SLC24A2: variants seen among roughly 807,000 people sequenced by gnomAD.
The protein encoded by SLC24A2 is sodium/potassium/calcium exchanger 2.
Under a neutral mutation model 62.0 loss-of-function variants are expected in SLC24A2, and 36 were observed. The observed-to-expected ratio is 0.58, with a 90% confidence interval of 0.44 to 0.77. The LOEUF (loss-of-function observed/expected upper bound fraction) is 0.77. Ranked by LOEUF, SLC24A2 falls within the 30% of genes least tolerant of loss-of-function variation. The pLI is 0.00. For missense variants in SLC24A2, 846 were observed against 817.9 expected (o/e 1.03, Z -0.42); for synonymous variants, 358 against 294.0 (o/e 1.22, Z -2.23).
the SLC24A2 span, among the ~76,000 whole-genome samples, chr9:20,270,350 G>C: frequency 6.6e-6 from 1 of 152,118 alleles, no homozygotes; most frequent in Non-Finnish European, 1.5e-5. Flanking sequence ...TTTTACTGTA[G>C]AATTGGGAAT....
chr9:19,938,397 C>A, the SLC24A2 span, among the ~76,000 whole-genome samples: 1 of 152,144 alleles, frequency 6.6e-6, no homozygotes, highest in Admixed American at 6.5e-5. Flanking sequence ...ATTTAACTTA[C>A]ATGGACAATA....
chr9:19,984,670 C>T, the SLC24A2 span, among the ~76,000 whole-genome samples: 1 of 152,208 alleles, frequency 6.6e-6, no homozygotes, highest in Non-Finnish European at 1.5e-5. Context: ...CATGCCACTA[C>T]ATGCCAGCCT....
chr9:20,306,821 C>G, the SLC24A2 span, among the ~76,000 whole-genome samples: 1 of 152,182 alleles, frequency 6.6e-6, no homozygotes, highest in East Asian at 1.9e-4. Context: ...CTCAGCCTCC[C>G]AAGTAGCTGG....
chr9:20,094,424 G>T, the SLC24A2 span, among the ~76,000 whole-genome samples: 19 of 152,142 alleles, frequency 1.2e-4, no homozygotes, highest in African/African-American at 3.4e-4. Flanking sequence ...AGTATTTGTG[G>T]TCAACGATAA....
the SLC24A2 span, among the ~76,000 whole-genome samples, chr9:20,095,203 C>T: frequency 2.6e-5 from 4 of 152,050 alleles, no homozygotes; most frequent in Non-Finnish European, 4.4e-5. Context: ...ATGTAATGGG[C>T]TTATTACTCA....
chr9:20,058,475 C>A, the SLC24A2 span, among the ~76,000 whole-genome samples: 1 of 141,682 alleles, frequency 7.1e-6, no homozygotes, highest in Non-Finnish European at 1.5e-5. Flanking sequence ...GCTTCTGATA[C>A]AAACCCATGC....
the SLC24A2 span, among the ~76,000 whole-genome samples, chr9:19,797,247 CAAT>C: frequency 6.6e-6 from 1 of 152,270 alleles, no homozygotes; most frequent in Non-Finnish European, 1.5e-5. Flanking sequence ...ATGCCTAGAA[CAAT>C]GAGTGCCTAC....
intron 2 of SLC24A2, among the ~76,000 whole-genome samples, chr9:19,622,891 C>A (rs1458892366): frequency 1.3e-5 from 2 of 152,044 alleles, no homozygotes; most frequent in Non-Finnish European, 2.9e-5. Flanking sequence ...AGAAGTTAGG[C>A]CACTGCATTA....
At chr9:19,716,780 C>A (rs891508746) in intron 2 of SLC24A2, among the ~76,000 whole-genome samples, 1 of 152,130 alleles carries the variant, frequency 6.6e-6, no homozygotes, top group African/African-American at 2.4e-5. Context: ...TCCTATTCTT[C>A]TGTTGTTTGC....
the SLC24A2 span, among the ~76,000 whole-genome samples, chr9:20,260,669 A>T: frequency 1.3e-5 from 2 of 151,784 alleles, no homozygotes; most frequent in African/African-American, 4.8e-5. Flanking sequence ...TATTATTTCA[A>T]TAGGTTTGTG....
intron 2 of SLC24A2, among the ~76,000 whole-genome samples, chr9:19,693,115 ATTC>A (rs1350430886): frequency 6.6e-6 from 1 of 151,988 alleles, no homozygotes; most frequent in Non-Finnish European, 1.5e-5. Context: ...TATTATTATT[ATTC>A]TTTAAGTTCC....
Position 19,583,229 on chromosome 9 carries a change from A to G in SLC24A2, c.1130-6207T>C, listed in dbSNP as rs143051362. On this transcript the variant is annotated intron_variant, in intron 5 of 10. Transcript: ENST00000341998. ...CTGTTTCTTGAAAACGCTGTGCACA[A>G]TCTCACCTCTGTGCCATGGCATTGT... Among the ~76,000 whole-genome samples, 53 of 152,170 alleles carry G rather than the reference A, an allele frequency of 3.5e-4. No homozygotes were observed. The East Asian group carries it at 9.7e-3, about 28-fold the overall frequency.
the SLC24A2 span, among the ~76,000 whole-genome samples, chr9:20,101,012 C>T: frequency 2.6e-5 from 4 of 152,316 alleles, no homozygotes; most frequent in African/African-American, 7.2e-5. Context: ...AAACTATGGT[C>T]TCATTTCCAG....
At position 19,664,176 on chromosome 9, in the gene SLC24A2, T is replaced by A. The variant is rs190646001; in HGVS notation, c.931-41877A>T. On this transcript the variant is annotated intron_variant, in intron 2 of 10. Transcript: ENST00000341998. ...GATTTTGGTTTGTTTTGTGATAGTC[T>A]GTATATCCTGCTATAAAGACACTCA... Among the ~76,000 whole-genome samples the A allele has an allele frequency of 2.0e-5, 3 of 152,348 alleles. 1 individual carries two copies. The East Asian group carries it at 5.8e-4, about 29-fold the overall frequency.
At chr9:19,841,443 C>T in the SLC24A2 span, among the ~76,000 whole-genome samples, 2 of 152,140 alleles carry the variant, frequency 1.3e-5, no homozygotes, top group Non-Finnish European at 2.9e-5. Flanking sequence ...CAGGCAGACA[C>T]ATACCTGGTC....
the SLC24A2 span, among the ~76,000 whole-genome samples, chr9:19,898,789 G>A: frequency 6.6e-6 from 1 of 150,528 alleles, no homozygotes; most frequent in African/African-American, 2.5e-5. Context: ...CTAGGACAAT[G>A]CTGGGCACAA....
intron 2 of SLC24A2, among the ~76,000 whole-genome samples, chr9:19,758,352 A>C (rs1822208830): frequency 6.6e-6 from 1 of 152,158 alleles, no homozygotes; most frequent in South Asian, 2.1e-4. Context: ...CATCAACCCC[A>C]GTTTCCCATC....
chr9:20,284,767 A>T, the SLC24A2 span, among the ~76,000 whole-genome samples: 1 of 152,160 alleles, frequency 6.6e-6, no homozygotes, highest in Non-Finnish European at 1.5e-5. Context: ...AAAGCCTAGT[A>T]GGGTGGGGTC....
At chr9:20,018,657 C>T in the SLC24A2 span, among the ~76,000 whole-genome samples, 33 of 152,084 alleles carry the variant, frequency 2.2e-4, no homozygotes, top group Admixed American at 9.2e-4. Context: ...TAACCATAAT[C>T]ATAATAGGGT....
Sources: gnomAD v4.1 joint callset for allele counts (sites outside exome capture counted in the v4.1 genomes callset) on GRCh38, gnomAD v4.1.1 for gene constraint, MANE v1.5 for transcripts, NCBI Gene and HGNC (gene_info 2026-07-23, HGNC 2026-07-21) for gene names.